Variants in FBXO40 observed in about 807,000 individuals in gnomAD.
The protein encoded by FBXO40 is F-box only protein 40.
Under a neutral mutation model 49.9 loss-of-function variants are expected in FBXO40, and 50 were observed. That is an observed-to-expected ratio of 1.00 (90% CI 0.80 to 1.27). The LOEUF (loss-of-function observed/expected upper bound fraction) is 1.27. Ranked by LOEUF, FBXO40 falls within the 50% of genes most tolerant of loss-of-function variation. The pLI is 0.00. For synonymous variants in FBXO40, 340 were observed against 320.2 expected, an observed-to-expected ratio of 1.06 and a Z score of -0.66; for missense variants, 895 against 870.1, an observed-to-expected ratio of 1.03 and a Z score of -0.36.
At chr3:121,615,196 A>G (rs1364154878) in intron 1 of FBXO40, among the ~76,000 whole-genome samples, 1 of 56,860 alleles carries the variant, frequency 1.8e-5, no homozygotes, top group Non-Finnish European at 3.3e-5. Context: ...CAGAGAGAGC[A>G]TCTCAAAAAA....
chr3:121,623,111 A>AGAAT lies in FBXO40; in HGVS notation c.1682_1683insGAAT (p.His561GlnfsTer96), dbSNP rs2049043606. 1 of 1,614,124 alleles carries AGAAT rather than the reference A, an allele frequency of 6.2e-7. No individual in the cohort carries two copies. The highest frequency in any genetic ancestry group is 8.5e-7 in the Non-Finnish European group (1 of 1,180,054). ...CTGAGCGAGGGAAGGAAGAACAACC[A>AGAAT]TCTTTTGGGTCATGGAGGAAAAAGC... On this transcript the variant is annotated frameshift_variant, in exon 3 of 4. Coordinates refer to ENST00000338040, the MANE Select transcript of FBXO40 (RefSeq NM_016298.4). LOFTEE classifies it high-confidence loss of function.
At chr3:121,594,908 CAG>C (rs1185197370) in intron 1 of FBXO40, among the ~76,000 whole-genome samples, 1 of 152,144 alleles carries the variant, frequency 6.6e-6, no homozygotes, top group African/African-American at 2.4e-5. Flanking sequence ...TAACTTTAGA[CAG>C]ATAGTTTCTC....
In FBXO40 at chr3:121,622,282, A is replaced by G; in HGVS notation, c.853A>G (p.Thr285Ala). The G allele has an allele frequency of 6.2e-7, 1 of 1,614,252 alleles. No individual in the cohort carries two copies. Among genetic ancestry groups the G allele is most frequent in the Non-Finnish European group, 8.5e-7 (1 of 1,180,044 alleles). Residue 285 changes from threonine (T) to alanine (A), a missense_variant, in exon 3 of 4, where the codon ACA becomes GCA. Thr to Ala is a moderately conservative substitution (Grantham distance 58). Transcript: ENST00000338040. ...GGACGTTCGTACAGCCATGGAAACC[A>G]CAGGGCTTGCCCCTTGGCAGGATGG... Reference protein sequence around the residue: ...QQDVRTAMETTGLAPWQDGVL... With the variant: ...QQDVRTAMETAGLAPWQDGVL...
chr3:121,606,973 CTT>C (rs1421533527), intron 1 of FBXO40, among the ~76,000 whole-genome samples: 3 of 152,144 alleles, frequency 2.0e-5, no homozygotes, highest in African/African-American at 7.2e-5. Context: ...TTTTAATAAA[CTT>C]TTAGATAGGC....
chr3:121,593,953 C>T (rs1021797055), intron 1 of FBXO40, among the ~76,000 whole-genome samples: 1 of 152,060 alleles, frequency 6.6e-6, no homozygotes, highest in African/African-American at 2.4e-5. Context: ...GCAGCCCCTA[C>T]CTCCCAGGTT....
At chr3:121,618,607 G>T (rs10049063) in intron 1 of FBXO40, among the ~76,000 whole-genome samples, 73,472 of 150,648 alleles carry the variant, frequency 0.49, 18,548 homozygotes, top group Admixed American at 0.59. Flanking sequence ...TGTTGACTAG[G>T]CTGGCCTTGA....
At chr3:121,607,678 C>T (rs2048939588) in intron 1 of FBXO40, among the ~76,000 whole-genome samples, 1 of 151,954 alleles carries the variant, frequency 6.6e-6, no homozygotes, top group Non-Finnish European at 1.5e-5. Context: ...TAACAATAAA[C>T]ACCAGTAAAT....
At position 121,627,571 on chromosome 3, in the gene FBXO40, T is replaced by C. The variant is rs71329228; in HGVS notation, c.*661T>C. The C allele has an allele frequency of 0.026, 8,318 of 317,542 alleles. 172 individuals are homozygous for C. Among genetic ancestry groups the C allele is most frequent in the Non-Finnish European group, 0.037 (6,419 of 175,732 alleles). The allele number at this position is 317,542 out of a possible 1,614,324, so 19.7% of individuals were successfully genotyped here. On this transcript the variant is annotated 3_prime_UTR_variant, in exon 4 of 4. Transcript: ENST00000338040. ...GGGATCACAGAGTCTGTTGCTAGAA[T>C]CTTGGCAACATACAGCAGGAAAGCC...
At chr3:121,598,093 A>T (rs928316260) in intron 1 of FBXO40, among the ~76,000 whole-genome samples, 1 of 152,178 alleles carries the variant, frequency 6.6e-6, no homozygotes, top group Non-Finnish European at 1.5e-5. Context: ...CTCTCTGTGG[A>T]GGTAACATGT....
rs150908808 is a variant in FBXO40, at chr3:121,597,373, G to A, written c.-31+3871G>A. Among the ~76,000 whole-genome samples, 701 of 151,996 alleles carry A rather than the reference G, an allele frequency of 4.6e-3. 7 individuals are homozygous for A. Among genetic ancestry groups the A allele is most frequent in the Admixed American group, 0.01 (154 of 15,234 alleles). Reference sequence around the variant, plus strand: ...GTGATTAAAGGGGGCCGAAAGTGGGGGGAAGTGTGGAGGCTTACATTCTTA... The same window carrying A: ...GTGATTAAAGGGGGCCGAAAGTGGGAGGAAGTGTGGAGGCTTACATTCTTA... On this transcript the variant is annotated intron_variant, in intron 1 of 3. Coordinates refer to ENST00000338040, the MANE Select transcript of FBXO40 (RefSeq NM_016298.4).
At chr3:121,618,448 G>T (rs1000061197) in intron 1 of FBXO40, among the ~76,000 whole-genome samples, 8 of 147,350 alleles carry the variant, frequency 5.4e-5, no homozygotes, top group East Asian at 2.0e-4. Context: ...GCGCAGTGGC[G>T]TGATCTCGAT....
chr3:121,611,210 T>G (rs950684221), intron 1 of FBXO40, among the ~76,000 whole-genome samples: 1 of 152,148 alleles, frequency 6.6e-6, no homozygotes, highest in African/African-American at 2.4e-5. Context: ...GAAACAACAG[T>G]GGGCCCAGGG....
chr3:121,615,523 C>A (rs1405788053), intron 1 of FBXO40, among the ~76,000 whole-genome samples: 3 of 148,594 alleles, frequency 2.0e-5, no homozygotes, highest in African/African-American at 7.5e-5. Context: ...CCACTGCAAT[C>A]CAGCCTGGGC....
At chr3:121,621,253 A>G (rs1248943211) in intron 2 of FBXO40, among the ~76,000 whole-genome samples, 180 bp from the exon 3 acceptor site, 3 of 152,240 alleles carry the variant, frequency 2.0e-5, no homozygotes, top group African/African-American at 7.2e-5. Flanking sequence ...GGAAAATTCT[A>G]AAAAGTACTT....
At chr3:121,613,663 C>T (rs959639906) in intron 1 of FBXO40, among the ~76,000 whole-genome samples, 3 of 152,312 alleles carry the variant, frequency 2.0e-5, no homozygotes, top group South Asian at 4.1e-4. Context: ...AATCTTGTCA[C>T]ATATGGCTGT....
chr3:121,622,849 G>C lies in FBXO40; in HGVS notation c.1420G>C (p.Ala474Pro). 6.2e-7 allele frequency: 1 copy of C among 1,614,158 alleles called. No homozygotes were observed. Among genetic ancestry groups the C allele is most frequent in the African/African-American group, 1.3e-5 (1 of 75,034 alleles). ...VTRRHNKSSS[A>P]FTFTCNKFFR... is the part of the protein sequence containing the mutation. ...CAGGAGACACAACAAAAGCAGCTCT[G>C]CCTTCACTTTCACTTGCAACAAATT... is the stretch of plus-strand genomic sequence containing the variant. The change falls in exon 3 of 4, where the codon GCC becomes CCC. Residue 474 changes from alanine to proline, a missense_variant. Coordinates refer to ENST00000338040, the MANE Select transcript of FBXO40 (RefSeq NM_016298.4).
chr3:121,621,789 C>T lies in FBXO40; in HGVS notation c.360C>T (p.Pro120=), dbSNP rs1379434032. The T allele has an allele frequency of 6.2e-7, 1 of 1,614,208 alleles. No individual in the cohort carries two copies. The highest frequency in any genetic ancestry group is 1.7e-5 in the Admixed American group (1 of 60,022). The part of the protein sequence containing the change: ...TLHENIMKET[P]SEECLDTALA... ...ATGAAAACATCATGAAAGAGACCCCCAGTGAGGAGTGTTTGGACACAGCCC... is the reference window on the plus strand; with the variant it reads ...ATGAAAACATCATGAAAGAGACCCCTAGTGAGGAGTGTTTGGACACAGCCC... Residue 120 remains proline, a synonymous_variant, in exon 3 of 4, where the codon CCC becomes CCT. Transcript: ENST00000338040.
At position 121,623,208 on chromosome 3, in the gene FBXO40, G is replaced by C; in HGVS notation, c.1779G>C (p.Leu593=). The C allele has an allele frequency of 1.2e-6, 2 of 1,614,170 alleles. No individual in the cohort carries two copies. Among genetic ancestry groups the C allele is most frequent in the South Asian group, 1.1e-5 (1 of 91,070 alleles). Residue 593 remains leucine, a synonymous_variant, in exon 3 of 4, where the codon CTG becomes CTC. Coordinates refer to ENST00000338040, the MANE Select transcript of FBXO40 (RefSeq NM_016298.4). ...CTGGGTTCTTGGACAGCGTCAGCCT[G>C]GCCCAGCTCTCCCAGGTGTCTGTGC... is the stretch of plus-strand genomic sequence containing the variant. ...YIAGFLDSVS[L]AQLSQVSVLM...
At chr3:121,615,661 TAGC>T (rs1281044864) in intron 1 of FBXO40, among the ~76,000 whole-genome samples, 1 of 151,962 alleles carries the variant, frequency 6.6e-6, no homozygotes, top group Non-Finnish European at 1.5e-5. Context: ...TCACTAAAGG[TAGC>T]AGCTGTCAGT....
Sources: gnomAD v4.1 joint callset for allele counts (sites outside exome capture counted in the v4.1 genomes callset) on GRCh38, gnomAD v4.1.1 for gene constraint, MANE v1.5 for transcripts, NCBI Gene and HGNC (gene_info 2026-07-23, HGNC 2026-07-21) for gene names.